The following BCAS3 variants were observed in gnomAD, a reference collection of about 807,000 sequenced individuals.
BCAS3 encodes BCAS4/BCAS3 fusion.
In BCAS3, 53 loss-of-function variants were observed where a neutral mutation model predicts 116.1. The observed-to-expected ratio is 0.46, with a 90% CI of 0.37 to 0.57. The LOEUF is 0.57. Among genes scored for constraint, BCAS3 ranks in the 20% least tolerant of loss-of-function variants. The pLI, the probability that BCAS3 is intolerant of heterozygous loss-of-function variation, is 0.00. For synonymous variants in BCAS3, 391 were observed against 408.2 expected, an observed-to-expected ratio of 0.96 and a Z score of 0.51; for missense variants, 917 against 1,165.4, an observed-to-expected ratio of 0.79 and a Z score of 3.10.
chr17:60,737,412 T>C (rs2041092108), intron 5 of BCAS3, among the ~76,000 whole-genome samples: 1 of 152,186 alleles, frequency 6.6e-6, no homozygotes. Flanking sequence ...CTATTTTGTA[T>C]TATTTATTTT....
rs2143695718 is a variant in BCAS3 at position 61,105,998 on chromosome 17, A to G, written c.2425+21434A>G. Among the ~76,000 whole-genome samples, 1 of 152,262 alleles carries G rather than the reference A, an allele frequency of 6.6e-6. No individual in the cohort carries two copies. ...AATCATCCCTTTGTCTGGCATCTCC[A>G]GGCTGTCTATGCTACCTATCCTTTG... On this transcript the variant is annotated intron_variant, in intron 22 of 23. Coordinates refer to ENST00000407086, the MANE Select transcript of BCAS3 (RefSeq NM_017679.5). The surrounding 1 kb of genome is among the most constrained non-coding windows in gnomAD (Gnocchi z 4.3).
At chr17:61,358,677 T>G (rs2058287612) in intron 22 of BCAS3, among the ~76,000 whole-genome samples, 1 of 151,762 alleles carries the variant, frequency 6.6e-6, no homozygotes, top group South Asian at 2.1e-4. Flanking sequence ...AATTTTTGTA[T>G]TTTTAGTAGA....
At position 61,040,833 on chromosome 17, in the gene BCAS3, A is replaced by G; in HGVS notation, c.1970A>G (p.Asn657Ser). 6.2e-7 allele frequency: 1 copy of G among 1,614,098 alleles called. No homozygotes were observed. The highest frequency in any genetic ancestry group is 1.1e-5 in the South Asian group (1 of 91,072). Reference sequence around the variant, plus strand: ...GAATTGCAGCCACCGTTTAATGCAAACCACCCTCTGCTCCTCGCTGCAGAT... The same window carrying G: ...GAATTGCAGCCACCGTTTAATGCAAGCCACCCTCTGCTCCTCGCTGCAGAT... ...WNELQPPFNA[N>S]HPLLLAADAV... Residue 657 changes from asparagine to serine, a missense_variant, in exon 19 of 24, where the codon AAC (asparagine) becomes AGC (serine). This residue lies in a region of BCAS3 where 807 missense variants were observed against 1,026.0 expected (regional missense o/e 0.79). Coordinates refer to ENST00000407086, the MANE Select transcript of BCAS3 (RefSeq NM_017679.5).
chr17:61,175,026 T>C (rs1484619702), intron 22 of BCAS3, among the ~76,000 whole-genome samples: 4 of 152,140 alleles, frequency 2.6e-5, no homozygotes, highest in Non-Finnish European at 5.9e-5. Flanking sequence ...GGTGCAGGTA[T>C]TGGCAGGTGA....
In BCAS3 at chr17:61,380,699, C is replaced by A; in HGVS notation, c.2594-11278C>A. 1.3e-6 allele frequency: 1 copy of A among 790,602 alleles called. No homozygotes were observed. Among genetic ancestry groups the A allele is most frequent in the South Asian group, 1.6e-5 (1 of 62,974 alleles). The allele number at this position is 790,602 out of a possible 1,614,324, so 49.0% of individuals were successfully genotyped here. A position where few individuals can be genotyped will look rare whatever the true frequency, so the allele number is the denominator to read the frequency against. On this transcript the variant is annotated intron_variant, in intron 23 of 23. Transcript: ENST00000407086. This position sits in a 1 kb window ranked among gnomAD's most constrained non-coding sequence, Gnocchi z 4.2. ...GCACTCTAGGGAGGGCAGGGGTCAG[C>A]TCAGATGGGAGGTCTCTTCTGGAAG... is the stretch of plus-strand genomic sequence containing the variant.
rs2033270633 is a variant in BCAS3 at position 60,682,248 on chromosome 17, TC to T, written c.84-1732del. The stretch of plus-strand genomic sequence containing the variant: ...AGGAAGGGAAGGGGATGGGAAGGAA[TC>T]CAGATAGAAAGAAAGGTGGTATAAA... On this transcript the variant is annotated intron_variant, in intron 2 of 23. Coordinates refer to ENST00000407086, the MANE Select transcript of BCAS3 (RefSeq NM_017679.5). 5.9e-5 allele frequency among the ~76,000 whole-genome samples: 9 copies of T among 152,144 alleles called. No homozygotes were observed. In the South Asian group the frequency reaches 1.9e-3, roughly 32 times the overall value.
intron 14 of BCAS3, among the ~76,000 whole-genome samples, chr17:60,949,112 T>A (rs1278305300): frequency 6.6e-6 from 1 of 152,084 alleles, no homozygotes; most frequent in African/African-American, 2.4e-5. Flanking sequence ...CCTGACCTCA[T>A]GATCCACCTG....
At chr17:60,718,461 G>A (rs1160709224) in intron 5 of BCAS3, among the ~76,000 whole-genome samples, 1 of 152,088 alleles carries the variant, frequency 6.6e-6, no homozygotes, top group African/African-American at 2.4e-5. Context: ...TTTAGACAGA[G>A]TCTTGCTCTG....
chr17:60,972,759 G>A (rs1026501591), intron 14 of BCAS3, among the ~76,000 whole-genome samples: 1 of 152,156 alleles, frequency 6.6e-6, no homozygotes, highest in Non-Finnish European at 1.5e-5. Flanking sequence ...GCCCGAAAGT[G>A]CACGTGTTTT....
In BCAS3 at chr17:61,213,251, C is replaced by T. The variant is rs2081578008; in HGVS notation, c.2425+128687C>T. Reference sequence around the variant, plus strand: ...GTGGTGCAGTCTTGGCTCACTGCAACCTCTGGTCCCCGGGTTCAAGCGATC... The same window carrying T: ...GTGGTGCAGTCTTGGCTCACTGCAATCTCTGGTCCCCGGGTTCAAGCGATC... On this transcript the variant is annotated intron_variant, in intron 22 of 23. Coordinates refer to ENST00000407086, the MANE Select transcript of BCAS3 (RefSeq NM_017679.5). The surrounding 1 kb of genome is among the most constrained non-coding windows in gnomAD (Gnocchi z 5.4). 6.6e-6 allele frequency among the ~76,000 whole-genome samples: 1 copy of T among 152,042 alleles called. No homozygotes were observed.
At chr17:60,908,132 A>G (rs1025801025) in intron 11 of BCAS3, among the ~76,000 whole-genome samples, 2 of 152,148 alleles carry the variant, frequency 1.3e-5, no homozygotes, top group African/African-American at 2.4e-5. Flanking sequence ...GTCCACTACT[A>G]AGACAACTCC....
At chr17:60,876,911 A>AT (rs920826406) in intron 9 of BCAS3, among the ~76,000 whole-genome samples, 3 of 152,048 alleles carry the variant, frequency 2.0e-5, no homozygotes, top group Admixed American at 6.5e-5. Context: ...AATATTAATG[A>AT]TTTTTTTTGT....
intron 5 of BCAS3, among the ~76,000 whole-genome samples, chr17:60,717,517 AAT>A (rs1315318827): frequency 5.9e-5 from 9 of 152,072 alleles, no homozygotes; most frequent in Non-Finnish European, 4.4e-5. Context: ...TGCCCGGCAG[AAT>A]ATGTTTCTTA....
chr17:60,952,098 T>G (rs1377292337), intron 14 of BCAS3, among the ~76,000 whole-genome samples: 4 of 152,046 alleles, frequency 2.6e-5, no homozygotes, highest in African/African-American at 9.7e-5. Context: ...ATAGTCCAAG[T>G]TCTATTTGAA....
intron 22 of BCAS3, among the ~76,000 whole-genome samples, chr17:61,169,564 C>T (rs545640717): frequency 5.3e-5 from 8 of 152,154 alleles, no homozygotes; most frequent in Non-Finnish European, 7.4e-5. Context: ...TGAGCCCGGC[C>T]GAGATAGAAT....
In BCAS3 at chr17:61,222,750, T is replaced by G. The variant is rs1484151274; in HGVS notation, c.2425+138186T>G. Among the ~76,000 whole-genome samples, 1 of 152,246 alleles carries G rather than the reference T, an allele frequency of 6.6e-6. No individual in the cohort carries two copies. The highest frequency in any genetic ancestry group is 2.4e-5 in the African/African-American group (1 of 41,460). Reference sequence around the variant, plus strand: ...AGGTGGGCCATGGCCACTCTGCGACTCCAGGTCGATTCGTCTGCCTGTTGG... The same window carrying G: ...AGGTGGGCCATGGCCACTCTGCGACGCCAGGTCGATTCGTCTGCCTGTTGG... On this transcript the variant is annotated intron_variant, in intron 22 of 23. Coordinates refer to ENST00000407086, the MANE Select transcript of BCAS3 (RefSeq NM_017679.5). The surrounding 1 kb of genome is among the most constrained non-coding windows in gnomAD (Gnocchi z 6.1).
At chr17:61,146,500 G>C (rs987424855) in intron 22 of BCAS3, among the ~76,000 whole-genome samples, 1 of 152,082 alleles carries the variant, frequency 6.6e-6, no homozygotes, top group Non-Finnish European at 1.5e-5. Context: ...AAATGACTGA[G>C]CTCTTAGGAG....
chr17:61,210,312 G>T (rs2081382355), intron 22 of BCAS3, among the ~76,000 whole-genome samples: 1 of 152,146 alleles, frequency 6.6e-6, no homozygotes, highest in East Asian at 1.9e-4. Flanking sequence ...AACCTGGTGG[G>T]TTTGATCCTG....
chr17:61,169,811 T>A (rs1386514513), intron 22 of BCAS3, among the ~76,000 whole-genome samples: 1 of 152,214 alleles, frequency 6.6e-6, no homozygotes, highest in African/African-American at 2.4e-5. Flanking sequence ...TAGATTTTGA[T>A]CCAATTTCTG....
Sources: allele counts gnomAD v4.1 joint callset (sites outside exome capture counted in the v4.1 genomes callset), GRCh38; gene constraint gnomAD v4.1.1; regional missense constraint gnomAD v4.1.1; non-coding constraint Gnocchi (gnomAD v3.1); transcripts MANE v1.5; gene names NCBI Gene and HGNC (gene_info 2026-07-23, HGNC 2026-07-21).